DTD1: variants seen among roughly 807,000 people sequenced by gnomAD.
The protein encoded by DTD1 is D-aminoacyl-tRNA deacylase 1.
DTD1 carries 13 observed loss-of-function variants against 25.6 expected under a neutral mutation model. The ratio of observed to expected loss-of-function variants is 0.51; its 90% CI spans 0.33 to 0.81. The LOEUF is 0.81. DTD1 is among the 30% of genes least tolerant of loss of function. DTD1 has a pLI of 0.02. For missense variants in DTD1, 193 were observed against 266.4 expected (o/e 0.72, Z 1.92); for synonymous variants, 110 against 103.6 (o/e 1.06, Z -0.37).
At chr20:18,698,264 A>G (rs146273736) in intron 4 of DTD1, among the ~76,000 whole-genome samples, 20 of 152,372 alleles carry the variant, frequency 1.3e-4, no homozygotes, top group African/African-American at 4.6e-4. Flanking sequence ...ACACATGTAC[A>G]CTGGGCAATA....
chr20:18,751,445 T>C (rs990687085), intron 5 of DTD1, among the ~76,000 whole-genome samples: 5 of 152,184 alleles, frequency 3.3e-5, no homozygotes, highest in Non-Finnish European at 5.9e-5. Context: ...TCACTTTACA[T>C]ATGTGATACT....
intron 4 of DTD1, among the ~76,000 whole-genome samples, chr20:18,739,624 C>T (rs1164835997): frequency 6.6e-6 from 1 of 152,156 alleles, no homozygotes; most frequent in Non-Finnish European, 1.5e-5. Context: ...GTTCACAGAC[C>T]TGTAGTGGTT....
At chr20:18,687,028 G>A (rs556661324) in intron 4 of DTD1, among the ~76,000 whole-genome samples, 1 of 152,364 alleles carries the variant, frequency 6.6e-6, no homozygotes, top group Non-Finnish European at 1.5e-5. Context: ...ATTGGGGGTT[G>A]TATGGAGCTA....
In DTD1 at chr20:18,720,465, T is replaced by G. The variant is rs141638391; in HGVS notation, c.478-23635T>G. Among the ~76,000 whole-genome samples, 595 of 152,296 alleles carry G rather than the reference T, an allele frequency of 3.9e-3. 4 individuals carry two copies. Among genetic ancestry groups the G allele is most frequent in the African/African-American group, 0.014 (576 of 41,560 alleles). On this transcript the variant is annotated intron_variant, in intron 4 of 5. Coordinates refer to ENST00000377452, the MANE Select transcript of DTD1 (RefSeq NM_080820.6). ...GATTTTCAGGAAATATCTGTCTAATTTATTCTGTTTTAACCTTTTTCCTTC... is the reference window on the plus strand; with the variant it reads ...GATTTTCAGGAAATATCTGTCTAATGTATTCTGTTTTAACCTTTTTCCTTC...
chr20:18,597,574 C>T (rs374674535), intron 3 of DTD1, among the ~76,000 whole-genome samples: 14 of 152,120 alleles, frequency 9.2e-5, no homozygotes, highest in African/African-American at 1.7e-4. Context: ...ATCTACTTTC[C>T]GTCTCTTTAG....
At chr20:18,679,303 T>C (rs1312698692) in intron 4 of DTD1, among the ~76,000 whole-genome samples, 2 of 152,238 alleles carry the variant, frequency 1.3e-5, no homozygotes, top group African/African-American at 4.8e-5. Context: ...TTATTCATGG[T>C]GTGGAACAAG....
intron 4 of DTD1, among the ~76,000 whole-genome samples, chr20:18,656,843 T>G (rs2060893420): frequency 6.6e-6 from 1 of 152,184 alleles, no homozygotes; most frequent in African/African-American, 2.4e-5. Flanking sequence ...AGCCTTTCAG[T>G]AAATGGGCTT....
intron 4 of DTD1, among the ~76,000 whole-genome samples, chr20:18,690,669 T>A (rs995535123): frequency 4.6e-5 from 7 of 152,180 alleles, no homozygotes; most frequent in Admixed American, 2.0e-4. Flanking sequence ...GCAGCCTTAT[T>A]TGTGGGTTCT....
At chr20:18,699,703 G>C (rs1423316526) in intron 4 of DTD1, among the ~76,000 whole-genome samples, 1 of 152,130 alleles carries the variant, frequency 6.6e-6, no homozygotes, top group Non-Finnish European at 1.5e-5. Context: ...AGGCTGAGGA[G>C]GTGAGCATTT....
chr20:18,757,409 TG>T (rs1477289859), intron 5 of DTD1, among the ~76,000 whole-genome samples: 4 of 152,208 alleles, frequency 2.6e-5, no homozygotes, highest in African/African-American at 9.6e-5. Flanking sequence ...GCTGTGGGTT[TG>T]TCATAGATAG....
chr20:18,631,263 G>A, intron 4 of DTD1: 1 of 984,998 alleles, frequency 1.0e-6, no homozygotes, highest in Non-Finnish European at 1.2e-6. Flanking sequence ...ATGAAAATGT[G>A]GGGCCCCTTG....
intron 1 of DTD1, 27 bp from the exon 2 acceptor site, chr20:18,593,703 TC>T: frequency 6.3e-7 from 1 of 1,584,018 alleles, no homozygotes; most frequent in Non-Finnish European, 8.7e-7. Context: ...GGTTCTGAGT[TC>T]TTCTCTCCCT....
chr20:18,597,560 A>G (rs2060616879), intron 3 of DTD1, among the ~76,000 whole-genome samples: 1 of 152,210 alleles, frequency 6.6e-6, no homozygotes. Context: ...CTAGGCAGCC[A>G]TTAATCTACT....
At chr20:18,747,190 G>C (rs1333636588) in intron 5 of DTD1, among the ~76,000 whole-genome samples, 2 of 152,210 alleles carry the variant, frequency 1.3e-5, no homozygotes, top group Admixed American at 1.3e-4. Flanking sequence ...TTTTTCAGTT[G>C]TGCTAGTTAA....
chr20:18,710,156 A>T (rs941079383), intron 4 of DTD1, among the ~76,000 whole-genome samples: 2 of 152,212 alleles, frequency 1.3e-5, no homozygotes, highest in African/African-American at 4.8e-5. Flanking sequence ...GGTCAACCCT[A>T]GTTATGAAGA....
chr20:18,761,523 T>C (rs1268026635), intron 5 of DTD1, among the ~76,000 whole-genome samples: 1 of 152,226 alleles, frequency 6.6e-6, no homozygotes, highest in Non-Finnish European at 1.5e-5. Context: ...AACATTTCTC[T>C]AGGTCATTCT....
At chr20:18,727,257 G>A (rs1477072909) in intron 4 of DTD1, among the ~76,000 whole-genome samples, 1 of 152,212 alleles carries the variant, frequency 6.6e-6, no homozygotes, top group Non-Finnish European at 1.5e-5. Context: ...GGAACCTGGA[G>A]GGCAGCCTCA....
At chr20:18,660,054 A>G (rs972265284) in intron 4 of DTD1, among the ~76,000 whole-genome samples, 1 of 152,096 alleles carries the variant, frequency 6.6e-6, no homozygotes, top group African/African-American at 2.4e-5. Context: ...CCTGGCCAAC[A>G]TGGTGAGACC....
At chr20:18,734,886 C>T (rs1341831439) in intron 4 of DTD1, among the ~76,000 whole-genome samples, 1 of 152,130 alleles carries the variant, frequency 6.6e-6, no homozygotes, top group African/African-American at 2.4e-5. Context: ...GGGGCATTTA[C>T]CCTTTTGCCT....
Sources: gnomAD v4.1 joint callset for allele counts (sites outside exome capture counted in the v4.1 genomes callset) on GRCh38, gnomAD v4.1.1 for gene constraint, MANE v1.5 for transcripts, NCBI Gene and HGNC (gene_info 2026-07-23, HGNC 2026-07-21) for gene names.